The following SMYD3 variants were observed in gnomAD, a reference collection of about 807,000 sequenced individuals.
The protein encoded by SMYD3 is SET and MYND domain containing 3, also known as histone-lysine N-methyltransferase SMYD3.
A neutral mutation model predicts 57.7 loss-of-function variants in SMYD3; 36 were observed. The observed-to-expected ratio is 0.62, with a 90% CI of 0.48 to 0.82. The LOEUF is 0.82. Ranked by LOEUF, SMYD3 falls within the 40% of genes least tolerant of loss-of-function variation. The probability of loss-of-function intolerance (pLI) is 0.00; values close to 1 mark genes in which losing one functional copy is unlikely to be tolerated. For synonymous variants in SMYD3, 211 were observed against 195.0 expected (o/e 1.08, Z -0.68); for missense variants, 515 against 538.8 (o/e 0.96, Z 0.44).
At chr1:245,845,766 T>G (rs2050633548) in intron 10 of SMYD3, among the ~76,000 whole-genome samples, 1 of 152,242 alleles carries the variant, frequency 6.6e-6, no homozygotes, top group Non-Finnish European at 1.5e-5. Context: ...TCATCAGTCT[T>G]TTTATTGGAT....
intron 5 of SMYD3, among the ~76,000 whole-genome samples, chr1:246,142,675 T>G (rs536934766): frequency 1.3e-5 from 2 of 152,164 alleles, no homozygotes; most frequent in East Asian, 3.9e-4. Context: ...TATGAACTGT[T>G]TATTTCTGGA....
In SMYD3 at chr1:246,464,796, G is replaced by T. The variant is rs529080088; in HGVS notation, c.164+42258C>A. ...ACTAAAGTACAACTGGTTCTGTGTA[G>T]TCTTTTTTTCCCCCATGGATCTGTT... is the stretch of plus-strand genomic sequence containing the variant. On this transcript the variant is annotated intron_variant, in intron 1 of 11. Coordinates refer to ENST00000490107, the MANE Select transcript of SMYD3 (RefSeq NM_001167740.2). Among the ~76,000 whole-genome samples the T allele has an allele frequency of 7.9e-5, 12 of 152,280 alleles. No homozygotes were observed. In the South Asian group the frequency reaches 2.1e-3, roughly 26 times the overall value.
At position 246,479,502 on chromosome 1, in the gene SMYD3, A is replaced by ATTTTT. The variant is rs35818746; in HGVS notation, c.164+27547_164+27551dup. Among the ~76,000 whole-genome samples, 209 of 107,574 alleles carry ATTTTT rather than the reference A, an allele frequency of 1.9e-3. 2 individuals carry two copies. The highest frequency in any genetic ancestry group is 2.2e-3 in the Non-Finnish European group (126 of 56,166). 70.6% of individuals were successfully genotyped at this position (107,574 alleles called of 152,430 possible). A position where few individuals can be genotyped will look rare whatever the true frequency, so the allele number is the denominator to read the frequency against. ...TGTTTGGCATGTGTCAAAAAGCGGG[A>ATTTTT]TTTTTTTTTTTTTTTTTTTTTTTGA... On this transcript the variant is annotated intron_variant, in intron 1 of 11. Coordinates refer to ENST00000490107, the MANE Select transcript of SMYD3 (RefSeq NM_001167740.2).
chr1:245,823,357 GCTCT>G (rs10534407), intron 10 of SMYD3, among the ~76,000 whole-genome samples: 110,209 of 151,568 alleles, frequency 0.73, 43,265 homozygotes, highest in Non-Finnish European at 0.89. Context: ...GCTCGCTCTC[GCTCT>G]CTCTCTCTCT....
chr1:246,505,824 T>C (rs2068528811), intron 1 of SMYD3, among the ~76,000 whole-genome samples: 1 of 152,214 alleles, frequency 6.6e-6, no homozygotes, highest in African/African-American at 2.4e-5. Flanking sequence ...CAATTGCCAA[T>C]TTGTCACCAT....
intron 7 of SMYD3, among the ~76,000 whole-genome samples, chr1:245,926,287 C>CA (rs1428673925): frequency 2.6e-5 from 4 of 152,174 alleles, no homozygotes; most frequent in African/African-American, 7.2e-5. Flanking sequence ...GGGCATATAA[C>CA]ATTAAGACAA....
intron 5 of SMYD3, among the ~76,000 whole-genome samples, chr1:246,022,409 T>C (rs1312513393): frequency 6.6e-6 from 1 of 152,136 alleles, no homozygotes; most frequent in Non-Finnish European, 1.5e-5. Context: ...GGTAAGAACG[T>C]GGGTTCTGGA....
chr1:245,992,518 T>C (rs1296561467), intron 5 of SMYD3, among the ~76,000 whole-genome samples: 2 of 152,076 alleles, frequency 1.3e-5, no homozygotes, highest in African/African-American at 4.8e-5. Context: ...GGAGTAGCCA[T>C]GGATCGGCCA....
intron 5 of SMYD3, among the ~76,000 whole-genome samples, chr1:246,309,077 TTAG>T (rs1184411394): frequency 6.6e-6 from 1 of 152,144 alleles, no homozygotes; most frequent in Non-Finnish European, 1.5e-5. Flanking sequence ...ATTAATATAA[TTAG>T]TAGAACATCA....
chr1:246,039,751 G>T (rs145003439), intron 5 of SMYD3, among the ~76,000 whole-genome samples: 1 of 152,154 alleles, frequency 6.6e-6, no homozygotes, highest in Admixed American at 6.5e-5. Context: ...GAGAAAAGCC[G>T]TGGAGAGGCG....
intron 5 of SMYD3, among the ~76,000 whole-genome samples, chr1:246,260,448 T>G (rs966695485): frequency 2.4e-4 from 37 of 151,230 alleles, no homozygotes; most frequent in African/African-American, 9.1e-4. Flanking sequence ...GTTGTTGTTT[T>G]TTGTTTGTTT....
intron 5 of SMYD3, among the ~76,000 whole-genome samples, chr1:246,217,476 T>A (rs768344538): frequency 1.4e-4 from 22 of 151,962 alleles, no homozygotes; most frequent in Non-Finnish European, 3.1e-4. Context: ...ACAACTGCAC[T>A]CCAGCCTGGG....
chr1:245,994,359 A>C (rs1358044477), intron 5 of SMYD3, among the ~76,000 whole-genome samples: 1 of 152,184 alleles, frequency 6.6e-6, no homozygotes, highest in African/African-American at 2.4e-5. Flanking sequence ...ATGAAAGCGA[A>C]GGCGTCAGCT....
intron 5 of SMYD3, among the ~76,000 whole-genome samples, chr1:246,099,233 C>T (rs953281891): frequency 9.2e-5 from 14 of 151,986 alleles, no homozygotes; most frequent in African/African-American, 3.1e-4. Flanking sequence ...GTTTCATGGC[C>T]GGCTGTGAAT....
At chr1:246,491,026 A>C (rs2068261455) in intron 1 of SMYD3, among the ~76,000 whole-genome samples, 1 of 152,192 alleles carries the variant, frequency 6.6e-6, no homozygotes, top group African/African-American at 2.4e-5. Flanking sequence ...GGCAGGGTTC[A>C]AGATTAAGAA....
At chr1:245,855,193 G>A (rs576855323) in intron 10 of SMYD3, among the ~76,000 whole-genome samples, 1 of 152,116 alleles carries the variant, frequency 6.6e-6, no homozygotes, top group East Asian at 1.9e-4. Flanking sequence ...CTTCAAAGCC[G>A]GAAACACCCT....
intron 5 of SMYD3, among the ~76,000 whole-genome samples, chr1:246,131,611 T>C (rs1335087491): frequency 6.6e-6 from 1 of 152,238 alleles, no homozygotes; most frequent in African/African-American, 2.4e-5. Context: ...AGACAGAACA[T>C]AAATTTCGGC....
At chr1:246,163,771 G>C (rs1341359765) in intron 5 of SMYD3, among the ~76,000 whole-genome samples, 4 of 152,230 alleles carry the variant, frequency 2.6e-5, no homozygotes, top group African/African-American at 9.6e-5. Context: ...GATATGGAAG[G>C]AAAGTGCTTC....
At chr1:246,211,111 A>G (rs1489890768) in intron 5 of SMYD3, among the ~76,000 whole-genome samples, 1 of 152,084 alleles carries the variant, frequency 6.6e-6, no homozygotes, top group Non-Finnish European at 1.5e-5. Flanking sequence ...TAATTTTTCT[A>G]TTATAGGAAA....
Sources: gnomAD v4.1 joint callset for allele counts (sites outside exome capture counted in the v4.1 genomes callset) on GRCh38, gnomAD v4.1.1 for gene constraint, MANE v1.5 for transcripts, NCBI Gene and HGNC (gene_info 2026-07-23, HGNC 2026-07-21) for gene names.